TPD52: variants seen among roughly 807,000 people sequenced by gnomAD.
TPD52 encodes the protein tumor protein D52.
In TPD52, 17 loss-of-function variants were observed where a neutral mutation model predicts 31.3. The observed-to-expected ratio is 0.54, with a 90% CI of 0.37 to 0.82. The LOEUF (loss-of-function observed/expected upper bound fraction) is 0.82. Ranked by LOEUF, TPD52 falls within the 40% of genes least tolerant of loss-of-function variation. The pLI, the probability that TPD52 is intolerant of heterozygous loss-of-function variation, is 0.00. For missense variants in TPD52, 212 were observed against 240.1 expected, an observed-to-expected ratio of 0.88 and a Z score of 0.77; for synonymous variants, 83 against 89.6, an observed-to-expected ratio of 0.93 and a Z score of 0.42.
chr8:80,079,803 A>G (rs1453138958), intron 1 of TPD52, among the ~76,000 whole-genome samples: 3 of 129,214 alleles, frequency 2.3e-5, no homozygotes, highest in Non-Finnish European at 4.8e-5. Context: ...CTAAAGGTAC[A>G]GCAATTTCTA....
intron 1 of TPD52, among the ~76,000 whole-genome samples, chr8:80,130,124 G>C (rs1247906415): frequency 6.6e-6 from 1 of 152,206 alleles, no homozygotes; most frequent in Non-Finnish European, 1.5e-5. Flanking sequence ...ATTGCTCAGA[G>C]AGAGAAGACA....
chr8:80,126,357 T>C (rs1446597775), intron 1 of TPD52, among the ~76,000 whole-genome samples: 1 of 151,018 alleles, frequency 6.6e-6, no homozygotes, highest in African/African-American at 2.5e-5. Flanking sequence ...GAAATACTCA[T>C]TGAGGTTTTT....
intron 1 of TPD52, among the ~76,000 whole-genome samples, chr8:80,089,087 G>A (rs1335841037): frequency 6.6e-6 from 1 of 152,174 alleles, no homozygotes; most frequent in African/African-American, 2.4e-5. Flanking sequence ...CCAGAATCGT[G>A]AGAATATAAA....
intron 7 of TPD52, 119 bp from the exon 8 acceptor site, chr8:80,038,354 G>GATT (rs1810061729): frequency 9.8e-6 from 10 of 1,017,426 alleles, no homozygotes; most frequent in Non-Finnish European, 1.4e-5. Context: ...ATAGCTCAGT[G>GATT]ATTATTATAT....
chr8:80,096,601 C>T (rs919456724), intron 1 of TPD52, among the ~76,000 whole-genome samples: 1 of 152,098 alleles, frequency 6.6e-6, no homozygotes, highest in Non-Finnish European at 1.5e-5. Flanking sequence ...TTTGCTAATT[C>T]TCTCATTATT....
chr8:80,044,617 G>T (rs143376912), intron 5 of TPD52, among the ~76,000 whole-genome samples: 2 of 133,918 alleles, frequency 1.5e-5, no homozygotes, highest in African/African-American at 8.0e-5. Context: ...ACACACACAA[G>T]CAAGGCCAGG....
At chr8:80,154,723 ACACACACAC>A (rs1810811947) in intron 1 of TPD52, among the ~76,000 whole-genome samples, 2 of 145,520 alleles carry the variant, frequency 1.4e-5, no homozygotes, top group Non-Finnish European at 1.5e-5. Flanking sequence ...ACACACACAC[ACACACACAC>A]ACACACACAC....
At chr8:80,055,146 A>C (rs554166310) in intron 2 of TPD52, among the ~76,000 whole-genome samples, 1 of 152,264 alleles carries the variant, frequency 6.6e-6, no homozygotes, top group Admixed American at 6.5e-5. Flanking sequence ...GAATAGACTT[A>C]AATGGTAAGT....
At chr8:80,125,919 G>A (rs1394304412) in intron 1 of TPD52, among the ~76,000 whole-genome samples, 2 of 152,098 alleles carry the variant, frequency 1.3e-5, no homozygotes, top group South Asian at 2.1e-4. Flanking sequence ...CATCACACAC[G>A]GCCTAAGTGA....
At chr8:80,166,889 G>C (rs1007087121) in intron 1 of TPD52, among the ~76,000 whole-genome samples, 1 of 152,102 alleles carries the variant, frequency 6.6e-6, no homozygotes, top group Admixed American at 6.6e-5. Flanking sequence ...CTGGGTGGCA[G>C]AGCGAGACAC....
chr8:80,141,849 G>A (rs1416761289), intron 1 of TPD52, among the ~76,000 whole-genome samples: 1 of 152,020 alleles, frequency 6.6e-6, no homozygotes, highest in Non-Finnish European at 1.5e-5. Context: ...GGCAGAGGTT[G>A]CAGTGAGCTG....
intron 1 of TPD52, among the ~76,000 whole-genome samples, chr8:80,083,112 C>G (rs566049762): frequency 1.3e-4 from 19 of 151,822 alleles, no homozygotes; most frequent in Non-Finnish European, 2.6e-4. Flanking sequence ...TAGAAAGGAA[C>G]TGAAAGACAT....
At position 80,051,553 on chromosome 8, in the gene TPD52, G is replaced by C; in HGVS notation, c.360C>G (p.Val120=). 6.2e-7 allele frequency: 1 copy of C among 1,613,758 alleles called. No individual in the cohort carries two copies. Among genetic ancestry groups the C allele is most frequent in the Non-Finnish European group, 8.5e-7 (1 of 1,179,774 alleles). ...ASAAFSSVGS[V]ITKKLEDVKL... is the part of the protein sequence containing the mutation. ...TTACATCTTCCAGCTTTTTGGTGAT[G>C]ACTGAGCCAACAGACGAAAAAGCAG... The change falls in exon 4 of 8, where the codon GTC becomes GTG. Residue 120 remains valine, a synonymous_variant. Transcript: ENST00000518937.
intron 1 of TPD52, among the ~76,000 whole-genome samples, chr8:80,075,809 G>T (rs1312442469): frequency 6.6e-6 from 1 of 152,096 alleles, no homozygotes; most frequent in African/African-American, 2.4e-5. Flanking sequence ...TCTTCAATTT[G>T]ACTCCAGTTT....
At chr8:80,061,912 A>G (rs928819221) in intron 2 of TPD52, among the ~76,000 whole-genome samples, 1 of 152,240 alleles carries the variant, frequency 6.6e-6, no homozygotes, top group African/African-American at 2.4e-5. Context: ...GTACATTGCT[A>G]AAGTAAAATA....
In TPD52 at chr8:80,037,631, C is replaced by A. The variant is rs1810000945; in HGVS notation, c.*485G>T. 6.6e-6 allele frequency: 1 copy of A among 152,366 alleles called. No individual in the cohort carries two copies. 9.4% of individuals were successfully genotyped at this position (152,366 alleles called of 1,614,324 possible). A position where few individuals can be genotyped will look rare whatever the true frequency, so the allele number is the denominator to read the frequency against. On this transcript the variant is annotated 3_prime_UTR_variant, in exon 8 of 8. Transcript: ENST00000518937. ...AAAATATTTTTTGTAGCTAGTAGTT[C>A]TTTCCTTGGAGGTAAAGAAAATACA...
At chr8:80,087,584 A>G (rs1433470374) in intron 1 of TPD52, among the ~76,000 whole-genome samples, 1 of 152,258 alleles carries the variant, frequency 6.6e-6, no homozygotes, top group African/African-American at 2.4e-5. Context: ...CTCTCACAGC[A>G]ATCACGGGGG....
rs1275454979 is a variant in TPD52, at chr8:80,037,325, C to G, written c.*791G>C. On this transcript the variant is annotated 3_prime_UTR_variant, in exon 8 of 8. Coordinates refer to ENST00000518937, the MANE Select transcript of TPD52 (RefSeq NM_001025253.3). ...AGTGTTCATAGTTCAACCTACTGAA[C>G]ATACAGTGTGCTTGATTCAGAATGT... is the stretch of plus-strand genomic sequence containing the variant. 1.3e-5 allele frequency: 2 copies of G among 152,268 alleles called. No individual in the cohort carries two copies. The highest frequency in any genetic ancestry group is 2.9e-5 in the Non-Finnish European group (2 of 68,008). The allele number at this position is 152,268 out of a possible 1,614,324, so 9.4% of individuals were successfully genotyped here.
At chr8:80,119,825 A>G (rs771867332) in intron 1 of TPD52, 14 of 412,068 alleles carry the variant, frequency 3.4e-5, no homozygotes, top group Non-Finnish European at 2.8e-5. Context: ...ATTTTATATG[A>G]GTGGAGAAAA....
Sources: allele counts gnomAD v4.1 joint callset (sites outside exome capture counted in the v4.1 genomes callset), GRCh38; gene constraint gnomAD v4.1.1; transcripts MANE v1.5; gene names NCBI Gene and HGNC (gene_info 2026-07-23, HGNC 2026-07-21).